MFNG: variants seen among roughly 807,000 people sequenced by gnomAD.
The protein encoded by MFNG is MFNG O-fucosylpeptide 3-beta-N-acetylglucosaminyltransferase.
Under a neutral mutation model 34.2 loss-of-function variants are expected in MFNG, and 24 were observed. That is an observed-to-expected ratio of 0.70 (90% confidence interval 0.51 to 0.99). The LOEUF is 0.99. Among genes scored for constraint, MFNG ranks in the 50% least tolerant of loss-of-function variants. The pLI, the probability that MFNG is intolerant of heterozygous loss-of-function variation, is 0.00. For missense variants in MFNG, 383 were observed against 424.0 expected (o/e 0.90, Z 0.85); for synonymous variants, 158 against 179.2 (o/e 0.88, Z 0.94).
chr22:37,472,903 C>T (rs559239753), intron 6 of MFNG, among the ~76,000 whole-genome samples: 113 of 152,236 alleles, frequency 7.4e-4, no homozygotes, highest in African/African-American at 2.3e-3. Context: ...CCTCTTCACC[C>T]GGAGCCCCTA....
At chr22:37,478,813 G>C (rs961586225) in intron 4 of MFNG, among the ~76,000 whole-genome samples, 1 of 152,108 alleles carries the variant, frequency 6.6e-6, no homozygotes, top group East Asian at 1.9e-4. Flanking sequence ...CGAGTAGCTG[G>C]GACTACAGGT....
intron 3 of MFNG, among the ~76,000 whole-genome samples, chr22:37,479,731 T>C (rs552489063): frequency 3.8e-4 from 58 of 152,084 alleles, no homozygotes; most frequent in African/African-American, 1.2e-3. Context: ...TGGCCAGGTG[T>C]GGTGGCTCAC....
At position 37,483,492 on chromosome 22, in the gene MFNG, C is replaced by T. The variant is rs1601800816; in HGVS notation, c.255+2431G>A. Among the ~76,000 whole-genome samples, 1 of 150,888 alleles carries T rather than the reference C, an allele frequency of 6.6e-6. No individual in the cohort carries two copies. The highest frequency in any genetic ancestry group is 1.5e-5 in the Non-Finnish European group (1 of 67,852). The stretch of plus-strand genomic sequence containing the variant: ...GCCAAATGGGCTGAGGACTGTTTCC[C>T]GGTGAAGATCTAGTAAGCCTGAATA... On this transcript the variant is annotated intron_variant, in intron 1 of 7. Transcript: ENST00000356998. The surrounding 1 kb of genome is among the most constrained non-coding windows in gnomAD (Gnocchi z 4.5).
rs189022476 is a variant in MFNG, at chr22:37,471,805, T to C, written c.899+638A>G. On this transcript the variant is annotated intron_variant, in intron 7 of 7. Transcript: ENST00000356998. ...GAGATCGCACCACTGCACTCCAGCC[T>C]GGGCAACAGAGCGAGGCTCCATCTC... Among the ~76,000 whole-genome samples the C allele has an allele frequency of 2.6e-5, 3 of 115,430 alleles. No homozygotes were observed. The Admixed American group carries it at 3.8e-4, about 15-fold the overall frequency. The allele number at this position is 115,430 out of a possible 152,430, so 75.7% of individuals were successfully genotyped here.
rs1329380227 is a variant in MFNG at position 37,486,071 on chromosome 22, T to C, written c.107A>G (p.Gln36Arg). The change falls in exon 1 of 8, where the codon CAA (glutamine) becomes CGA (arginine). Residue 36 changes from glutamine to arginine, a missense_variant. Transcript: ENST00000356998. The part of the protein sequence containing the change: ...YHLNLSPQRV[Q>R]GTPELSQPNP... ...CGGCTGGCTCAGCTCGGGGGTCCCT[T>C]GTACCCGCTGCGGGGACAGGTTCAA... The C allele has an allele frequency of 1.2e-6, 2 of 1,613,542 alleles. No individual in the cohort carries two copies. The highest frequency in any genetic ancestry group is 4.5e-5 in the East Asian group (2 of 44,862).
intron 4 of MFNG, 56 bp downstream of exon 4, chr22:37,479,289 G>A (rs532446186): frequency 1.3e-5 from 20 of 1,494,676 alleles, no homozygotes; most frequent in African/African-American, 4.3e-5. Context: ...CCCCAGGACC[G>A]GCCCGGCCCT....
chr22:37,470,161 G>A (rs1015134308), intron 7 of MFNG, 132 bp from the exon 8 acceptor site: 6 of 647,268 alleles, frequency 9.3e-6, no homozygotes, highest in African/African-American at 9.1e-5. Context: ...TAACACTTAG[G>A]GCCAGAGAAT....
At position 37,486,287 on chromosome 22, in the gene MFNG, G is replaced by C; in HGVS notation, c.-110C>G. The C allele has an allele frequency of 7.8e-7, 1 of 1,282,354 alleles. No homozygotes were observed. Among genetic ancestry groups the C allele is most frequent in the Non-Finnish European group, 1.0e-6 (1 of 969,362 alleles). 79.4% of individuals were successfully genotyped at this position (1,282,354 alleles called of 1,614,324 possible). Reference sequence around the variant, plus strand: ...AGAGGCAAAAGTCTGGCAGGCATCAGGGGCTGGCAAGGAGGGAAGAGGTAG... The same window carrying C: ...AGAGGCAAAAGTCTGGCAGGCATCACGGGCTGGCAAGGAGGGAAGAGGTAG... On this transcript the variant is annotated 5_prime_UTR_variant, in exon 1 of 8. Transcript: ENST00000356998.
intron 1 of MFNG, chr22:37,484,415 G>C (rs1922444919): frequency 1.5e-5 from 2 of 130,528 alleles, no homozygotes; most frequent in East Asian, 3.4e-4. Context: ...GTGGGGTAGC[G>C]ACTCCTGTAG....
chr22:37,473,442 A>G (rs73414301), intron 6 of MFNG, among the ~76,000 whole-genome samples: 5,688 of 151,744 alleles, frequency 0.037, 166 homozygotes, highest in Middle Eastern at 0.1. Flanking sequence ...AAAAAAAAGA[A>G]GGGAAGGACC....
At chr22:37,481,467 C>T (rs1445886180) in intron 1 of MFNG, 2 of 152,384 alleles carry the variant, frequency 1.3e-5, no homozygotes, top group Non-Finnish European at 2.9e-5. Flanking sequence ...CTCTCCCCAC[C>T]GCCTCCCAGG....
rs1922225278 is a variant in MFNG at position 37,480,123 on chromosome 22, G to C, written c.407+74C>G. 5 of 1,221,088 alleles carry C rather than the reference G, an allele frequency of 4.1e-6. 1 individual carries two copies. Among genetic ancestry groups the C allele is most frequent in the Non-Finnish European group, 5.8e-6 (5 of 858,444 alleles). The allele number at this position is 1,221,088 out of a possible 1,614,324, so 75.6% of individuals were successfully genotyped here. The stretch of plus-strand genomic sequence containing the variant: ...GCTAGAGGAGTGGGGGCTGAAGTCA[G>C]ACCCCAGGAGTCCCAGGGGTTATTT... On this transcript the variant is annotated intron_variant, in intron 3 of 7. Transcript: ENST00000356998.
intron 6 of MFNG, 39 bp downstream of exon 6, chr22:37,474,473 C>T: frequency 4.4e-6 from 7 of 1,607,948 alleles, no homozygotes; most frequent in Non-Finnish European, 5.9e-6. Context: ...TCCTTTGGTT[C>T]CCCTTCCCAT....
upstream of MFNG, chr22:37,486,384 TC>T: frequency 2.2e-6 from 1 of 458,640 alleles, no homozygotes; most frequent in Non-Finnish European, 3.6e-6. Context: ...CTCCACCTGC[TC>T]CCGCTGTCCG....
intron 6 of MFNG, among the ~76,000 whole-genome samples, chr22:37,473,354 G>A (rs1435750367): frequency 3.3e-5 from 5 of 151,984 alleles, no homozygotes; most frequent in Admixed American, 6.6e-5. Flanking sequence ...ACTTGAACCC[G>A]GGAGGTGGAG....
intron 6 of MFNG, chr22:37,472,761 G>A (rs1285783133): frequency 1.1e-5 from 5 of 440,220 alleles, no homozygotes; most frequent in Admixed American, 4.7e-5. Flanking sequence ...GCTCCCCTGA[G>A]AAGCTGGAAC....
intron 7 of MFNG, among the ~76,000 whole-genome samples, chr22:37,471,803 C>A (rs914515881): frequency 7.1e-6 from 1 of 141,818 alleles, no homozygotes. Context: ...TGCACTCCAG[C>A]CTGGGCAACA....
At chr22:37,471,701 G>T (rs1921810778) in intron 7 of MFNG, among the ~76,000 whole-genome samples, 1 of 152,036 alleles carries the variant, frequency 6.6e-6, no homozygotes, top group Non-Finnish European at 1.5e-5. Flanking sequence ...CATGGTGGCA[G>T]GCGCCTGTAA....
chr22:37,485,458 G>C lies in MFNG; in HGVS notation c.255+465C>G, dbSNP rs1166290282. Among the ~76,000 whole-genome samples, 2 of 152,186 alleles carry C rather than the reference G, an allele frequency of 1.3e-5. No individual in the cohort carries two copies. Among genetic ancestry groups the C allele is most frequent in the Non-Finnish European group, 2.9e-5 (2 of 68,026 alleles). ...CTCCCGTCCTCCACCCTCAGAGCCC[G>C]GGCAGGACAGCACCTAGGGCCTGGG... On this transcript the variant is annotated intron_variant, in intron 1 of 7. Transcript: ENST00000356998. This position sits in a 1 kb window ranked among gnomAD's most constrained non-coding sequence, Gnocchi z 5.3.
Sources: allele counts gnomAD v4.1 joint callset (sites outside exome capture counted in the v4.1 genomes callset), GRCh38; gene constraint gnomAD v4.1.1; non-coding constraint Gnocchi (gnomAD v3.1); transcripts MANE v1.5; gene names NCBI Gene and HGNC (gene_info 2026-07-23, HGNC 2026-07-21).